Variants in NCOA2 observed in about 807,000 individuals in gnomAD.
NCOA2 encodes the protein nuclear receptor coactivator 2, also known as class E basic helix-loop-helix protein 75.
NCOA2 carries 21 observed loss-of-function variants against 145.1 expected under a neutral mutation model. That is an observed-to-expected ratio of 0.14 (90% CI 0.10 to 0.21). The LOEUF (loss-of-function observed/expected upper bound fraction) is 0.21, where lower values mean the gene tolerates loss of function less well. Among genes scored for constraint, NCOA2 ranks in the 10% least tolerant of loss-of-function variants. The pLI, the probability that NCOA2 is intolerant of heterozygous loss-of-function variation, is 1.00. For synonymous variants in NCOA2, 619 were observed against 637.5 expected (o/e 0.97, Z 0.44); for missense variants, 1,472 against 1,837.6 (o/e 0.80, Z 3.64).
chr8:70,425,800 A>G, the NCOA2 span, among the ~76,000 whole-genome samples: 1 of 151,958 alleles, frequency 6.6e-6, no homozygotes, highest in Non-Finnish European at 1.5e-5. Flanking sequence ...TACCCTCCCC[A>G]CTGGCTGCAC....
At chr8:70,348,262 G>A (rs1808859549) in intron 1 of NCOA2, among the ~76,000 whole-genome samples, 1 of 152,162 alleles carries the variant, frequency 6.6e-6, no homozygotes, top group African/African-American at 2.4e-5. Flanking sequence ...GCAAACAGCT[G>A]AGCAGAAACT....
chr8:70,196,508 A>C (rs112201245), intron 4 of NCOA2, among the ~76,000 whole-genome samples: 1 of 152,250 alleles, frequency 6.6e-6, no homozygotes, highest in Non-Finnish European at 1.5e-5. Flanking sequence ...GATTAGAGAC[A>C]GTTATGACCT....
intron 1 of NCOA2, among the ~76,000 whole-genome samples, chr8:70,299,140 A>G (rs988043579): frequency 3.9e-4 from 60 of 152,244 alleles, no homozygotes; most frequent in African/African-American, 1.4e-3. Flanking sequence ...CCAAACATCT[A>G]GATACCTTGG....
rs563149863 is a variant in NCOA2, at chr8:70,238,638, T to C, written c.-19-21874A>G. ...TAAAACATATTTGAAAAGACGAACA[T>C]GTCATCCTCAAAGTCTGTGGACTGT... On this transcript the variant is annotated intron_variant, in intron 2 of 22. Coordinates refer to ENST00000452400, the MANE Select transcript of NCOA2 (RefSeq NM_006540.4). Among the ~76,000 whole-genome samples the C allele has an allele frequency of 3.3e-5, 5 of 152,276 alleles. No individual in the cohort carries two copies. In the South Asian group the frequency reaches 1.0e-3, roughly 32 times the overall value.
At chr8:70,331,018 A>C (rs1807048744) in intron 1 of NCOA2, among the ~76,000 whole-genome samples, 1 of 149,390 alleles carries the variant, frequency 6.7e-6, no homozygotes, top group Non-Finnish European at 1.5e-5. Context: ...CACTTACTTA[A>C]GAACAGTCAG....
chr8:70,435,414 G>A, the NCOA2 span, among the ~76,000 whole-genome samples: 1 of 86,316 alleles, frequency 1.2e-5, no homozygotes, highest in Non-Finnish European at 1.9e-5. Context: ...GAAAGAGTGA[G>A]ACTCCGTCTC....
At chr8:70,195,148 G>A (rs1226045808) in intron 4 of NCOA2, among the ~76,000 whole-genome samples, 1 of 152,192 alleles carries the variant, frequency 6.6e-6, no homozygotes, top group Non-Finnish European at 1.5e-5. Flanking sequence ...CTCTGTATGT[G>A]TGAATTCTCA....
chr8:70,229,614 C>G (rs1820961508), intron 2 of NCOA2, among the ~76,000 whole-genome samples: 1 of 152,134 alleles, frequency 6.6e-6, no homozygotes, highest in African/African-American at 2.4e-5. Flanking sequence ...TGGGTCCTTC[C>G]CCTCCTCACT....
chr8:70,374,845 TAA>T (rs529712475), intron 1 of NCOA2, among the ~76,000 whole-genome samples: 108 of 151,080 alleles, frequency 7.1e-4, no homozygotes, highest in African/African-American at 2.5e-3. Flanking sequence ...GCCGATACGT[TAA>T]AAAAAAGTCT....
intron 4 of NCOA2, among the ~76,000 whole-genome samples, chr8:70,189,433 A>AAT (rs1391378767): frequency 6.6e-6 from 1 of 152,162 alleles, no homozygotes; most frequent in Non-Finnish European, 1.5e-5. Context: ...CTGAGCCAGA[A>AAT]ATTCCATTTT....
intron 1 of NCOA2, among the ~76,000 whole-genome samples, chr8:70,327,620 T>C (rs1806708706): frequency 6.6e-6 from 1 of 152,186 alleles, no homozygotes; most frequent in Admixed American, 6.5e-5. Context: ...TCTCACTATA[T>C]GACCATCATC....
chr8:70,330,402 C>T (rs2136287723), intron 1 of NCOA2, among the ~76,000 whole-genome samples: 1 of 151,660 alleles, frequency 6.6e-6, no homozygotes, highest in Non-Finnish European at 1.5e-5. Flanking sequence ...AGGCTCCTGT[C>T]CCTACAAAAA....
intron 1 of NCOA2, among the ~76,000 whole-genome samples, chr8:70,381,660 G>A (rs1465959823): frequency 3.3e-5 from 5 of 152,162 alleles, no homozygotes; most frequent in African/African-American, 1.2e-4. Flanking sequence ...CTTATATAGA[G>A]ATGATAACAG....
chr8:70,127,863 T>C (rs1308115048), intron 18 of NCOA2, among the ~76,000 whole-genome samples: 2 of 152,184 alleles, frequency 1.3e-5, no homozygotes, highest in African/African-American at 4.8e-5. Flanking sequence ...TAAACTAGTG[T>C]CCTCTGTGAT....
At chr8:70,129,485 T>C (rs893542186) in intron 16 of NCOA2, among the ~76,000 whole-genome samples, 1 of 152,202 alleles carries the variant, frequency 6.6e-6, no homozygotes, top group African/African-American at 2.4e-5. Flanking sequence ...TGAATTGCAA[T>C]AAGCCCTATT....
chr8:70,432,175 G>A, the NCOA2 span, among the ~76,000 whole-genome samples: 1 of 151,988 alleles, frequency 6.6e-6, no homozygotes, highest in African/African-American at 2.4e-5. Flanking sequence ...CTTCATTACT[G>A]GTTTTGAATC....
intron 1 of NCOA2, among the ~76,000 whole-genome samples, chr8:70,322,898 T>C (rs1806206026): frequency 6.6e-6 from 1 of 152,240 alleles, no homozygotes; most frequent in Admixed American, 6.5e-5. Context: ...AAGAATTTGT[T>C]ATCAAGATAT....
the NCOA2 span, among the ~76,000 whole-genome samples, chr8:70,452,141 A>AT: frequency 6.6e-6 from 1 of 151,976 alleles, no homozygotes; most frequent in Non-Finnish European, 1.5e-5. Flanking sequence ...TTCCAGGCTA[A>AT]TTTTTTGTAA....
intron 1 of NCOA2, among the ~76,000 whole-genome samples, chr8:70,401,577 C>T (rs1386046947): frequency 6.6e-6 from 1 of 151,888 alleles, no homozygotes; most frequent in Non-Finnish European, 1.5e-5. Context: ...TCCCCAATGC[C>T]GAAGTTTCAA....
Sources: gnomAD v4.1 joint callset for allele counts (sites outside exome capture counted in the v4.1 genomes callset) on GRCh38, gnomAD v4.1.1 for gene constraint, MANE v1.5 for transcripts, NCBI Gene and HGNC (gene_info 2026-07-23, HGNC 2026-07-21) for gene names.